ARL15: variants seen among roughly 807,000 people sequenced by gnomAD.
ARL15 encodes the protein ARF like GTPase 15.
ARL15 carries 19 observed loss-of-function variants against 25.2 expected under a neutral mutation model. The observed-to-expected ratio is 0.75, with a 90% CI of 0.53 to 1.10. The LOEUF (loss-of-function observed/expected upper bound fraction) is 1.10. Ranked by LOEUF, ARL15 falls within the 50% of genes least tolerant of loss-of-function variation. The pLI is 0.00. For missense variants in ARL15, 220 were observed against 246.0 expected, an observed-to-expected ratio of 0.89 and a Z score of 0.71; for synonymous variants, 94 against 86.8, an observed-to-expected ratio of 1.08 and a Z score of -0.46.
At chr5:54,130,312 T>C (rs1753391556) in intron 3 of ARL15, among the ~76,000 whole-genome samples, 1 of 152,234 alleles carries the variant, frequency 6.6e-6, no homozygotes, top group Non-Finnish European at 1.5e-5. Flanking sequence ...ATTGGTTAAC[T>C]GTCAAGAGAG....
intron 1 of ARL15, among the ~76,000 whole-genome samples, chr5:54,239,954 G>A (rs552328203): frequency 2.0e-5 from 3 of 152,238 alleles, no homozygotes; most frequent in South Asian, 2.1e-4. Flanking sequence ...TCGGCCGGGC[G>A]CGGTGGCTCA....
intron 3 of ARL15, among the ~76,000 whole-genome samples, chr5:54,150,178 T>G (rs1049882084): frequency 2.0e-5 from 3 of 152,248 alleles, no homozygotes; most frequent in Non-Finnish European, 4.4e-5. Context: ...GAGCCTGGCA[T>G]GTAATACATG....
intron 4 of ARL15, among the ~76,000 whole-genome samples, chr5:54,048,694 G>A (rs1750609851): frequency 6.6e-6 from 1 of 151,616 alleles, no homozygotes; most frequent in Non-Finnish European, 1.5e-5. Context: ...GTGAGCCACT[G>A]GGCCCAGCCA....
intron 1 of ARL15, among the ~76,000 whole-genome samples, chr5:54,288,335 T>G (rs1474407403): frequency 6.6e-6 from 1 of 152,254 alleles, no homozygotes; most frequent in Admixed American, 6.5e-5. Flanking sequence ...CTTCTGCCCT[T>G]TCACCATCCA....
rs974809013 is a variant in ARL15 at position 54,147,190 on chromosome 5, A to C, written c.253+7390T>G. Among the ~76,000 whole-genome samples, 4 of 152,158 alleles carry C rather than the reference A, an allele frequency of 2.6e-5. No individual in the cohort carries two copies. In the East Asian group the frequency reaches 7.7e-4, roughly 29 times the overall value. ...AGCCAGGAGTTAACTGGCTGTTCTC[A>C]TTCCAAAAAGGCCTGGTTCTTTTCC... On this transcript the variant is annotated intron_variant, in intron 3 of 4. Transcript: ENST00000504924.
At chr5:54,065,445 C>T (rs1751196200) in intron 4 of ARL15, among the ~76,000 whole-genome samples, 1 of 152,240 alleles carries the variant, frequency 6.6e-6, no homozygotes, top group African/African-American at 2.4e-5. Context: ...GCGGGCGGAT[C>T]ACCTCAGGTC....
At chr5:54,065,537 G>A (rs540515730) in intron 4 of ARL15, among the ~76,000 whole-genome samples, 5 of 152,216 alleles carry the variant, frequency 3.3e-5, no homozygotes, top group African/African-American at 1.2e-4. Flanking sequence ...GTGGTGGCAT[G>A]CACCTGTAGT....
intron 3 of ARL15, among the ~76,000 whole-genome samples, chr5:54,140,828 C>CA (rs1753755603): frequency 1.3e-5 from 2 of 151,956 alleles, no homozygotes; most frequent in Admixed American, 1.3e-4. Context: ...TCTTGAACAA[C>CA]AAAAAATGGT....
chr5:54,154,055 C>T (rs1561245045), intron 3 of ARL15, among the ~76,000 whole-genome samples: 1 of 152,124 alleles, frequency 6.6e-6, no homozygotes, highest in East Asian at 1.9e-4. Flanking sequence ...CCAAAAAATG[C>T]CAGACAGAGA....
intron 1 of ARL15, among the ~76,000 whole-genome samples, chr5:54,291,311 C>G (rs562684572): frequency 2.0e-5 from 3 of 152,258 alleles, no homozygotes; most frequent in African/African-American, 4.8e-5. Context: ...TCTGCAGATA[C>G]TAAAATCTGT....
At chr5:54,242,741 T>C (rs1363905905) in intron 1 of ARL15, among the ~76,000 whole-genome samples, 1 of 152,226 alleles carries the variant, frequency 6.6e-6, no homozygotes, top group Non-Finnish European at 1.5e-5. Context: ...CTGAATGATG[T>C]CGCTCGTGCC....
At chr5:53,998,675 T>G (rs1182407658) in intron 4 of ARL15, among the ~76,000 whole-genome samples, 3 of 151,920 alleles carry the variant, frequency 2.0e-5, no homozygotes, top group African/African-American at 7.3e-5. Context: ...AACTGGGAGG[T>G]GGGAGAGAAG....
intron 3 of ARL15, among the ~76,000 whole-genome samples, chr5:54,138,312 T>TA (rs764205527): frequency 1.3e-5 from 2 of 151,888 alleles, no homozygotes; most frequent in African/African-American, 2.4e-5. Context: ...ACCCCATCTC[T>TA]AAAAAAATAA....
chr5:54,280,939 C>T (rs1406562476), intron 1 of ARL15, among the ~76,000 whole-genome samples: 1 of 150,508 alleles, frequency 6.6e-6, no homozygotes, highest in African/African-American at 2.4e-5. Context: ...AAGAAATGAG[C>T]TCAAGGCATT....
chr5:54,272,774 T>C (rs1437901785), intron 1 of ARL15, among the ~76,000 whole-genome samples: 1 of 152,168 alleles, frequency 6.6e-6, no homozygotes, highest in Non-Finnish European at 1.5e-5. Flanking sequence ...GTAAAAATTG[T>C]TTTTTCCTAT....
intron 4 of ARL15, among the ~76,000 whole-genome samples, chr5:53,916,520 GGAAA>G (rs1218010138): frequency 6.6e-6 from 1 of 151,904 alleles, no homozygotes; most frequent in East Asian, 1.9e-4. Flanking sequence ...AAAGTTGGGG[GGAAA>G]GAAAGAAAGA....
At chr5:53,985,356 C>T (rs1002959714) in intron 4 of ARL15, among the ~76,000 whole-genome samples, 6 of 152,126 alleles carry the variant, frequency 3.9e-5, no homozygotes, top group Admixed American at 1.3e-4. Flanking sequence ...TACAGTTCAG[C>T]GCTATTAAAT....
chr5:54,166,097 C>T (rs1356388276), intron 2 of ARL15, among the ~76,000 whole-genome samples: 1 of 152,110 alleles, frequency 6.6e-6, no homozygotes, highest in African/African-American at 2.4e-5. Context: ...GCCAGTTACA[C>T]ACAAAATTAA....
rs190264687 is a variant in ARL15 at position 54,087,210 on chromosome 5, C to T, written c.462+25992G>A. On this transcript the variant is annotated intron_variant, in intron 4 of 4. Transcript: ENST00000504924. ...AGGCGTGGTGGCAGGTGCCTGTAGT[C>T]CCAGCTACTCGGGAGGCTCAGGCAT... 2.1e-4 allele frequency among the ~76,000 whole-genome samples: 32 copies of T among 152,214 alleles called. 1 individual carries two copies. In the East Asian group the frequency reaches 4.6e-3, roughly 22 times the overall value.
Sources: gnomAD v4.1 joint callset for allele counts (sites outside exome capture counted in the v4.1 genomes callset) on GRCh38, gnomAD v4.1.1 for gene constraint, MANE v1.5 for transcripts, NCBI Gene and HGNC (gene_info 2026-07-23, HGNC 2026-07-21) for gene names.